Variants in PRKN observed in about 807,000 individuals in gnomAD.
PRKN encodes the protein E3 ubiquitin-protein ligase parkin.
In PRKN, 56 loss-of-function variants were observed where a neutral mutation model predicts 59.5. The observed-to-expected ratio is 0.94, with a 90% CI of 0.76 to 1.18. The LOEUF is 1.18. PRKN is among the 50% of genes most tolerant of loss of function. PRKN has a pLI of 0.00. For missense variants in PRKN, 657 were observed against 596.4 expected (o/e 1.10, Z -1.06); for synonymous variants, 250 against 222.1 (o/e 1.13, Z -1.12).
chr6:162,355,419 A>G (rs1423660513), intron 2 of PRKN, among the ~76,000 whole-genome samples: 1 of 142,660 alleles, frequency 7.0e-6, no homozygotes, highest in Non-Finnish European at 1.5e-5. Context: ...ATATATATAT[A>G]ACAATTTAGT....
At chr6:162,610,766 G>A (rs1349005155) in intron 1 of PRKN, among the ~76,000 whole-genome samples, 4 of 151,996 alleles carry the variant, frequency 2.6e-5, no homozygotes, top group Middle Eastern at 3.4e-3. Flanking sequence ...AAGAACAAGG[G>A]GCTATATTCA....
intron 1 of PRKN, among the ~76,000 whole-genome samples, chr6:162,565,918 TG>T (rs1193327941): frequency 6.6e-6 from 1 of 151,982 alleles, no homozygotes; most frequent in Non-Finnish European, 1.5e-5. Context: ...AAACAAAAAA[TG>T]GCAGGAGTTG....
intron 4 of PRKN, among the ~76,000 whole-genome samples, chr6:162,119,985 AG>A (rs1389392147): frequency 6.6e-6 from 1 of 152,160 alleles, no homozygotes; most frequent in African/African-American, 2.4e-5. Context: ...TTAGTTCTTC[AG>A]GCCAAAATAG....
At chr6:161,731,352 T>C (rs1787703978) in intron 7 of PRKN, among the ~76,000 whole-genome samples, 1 of 152,256 alleles carries the variant, frequency 6.6e-6, no homozygotes, top group Admixed American at 6.5e-5. Context: ...GGTTGATATC[T>C]TTCCTGCTAC....
At chr6:162,025,435 C>A (rs1292531746) in intron 5 of PRKN, among the ~76,000 whole-genome samples, 1 of 152,014 alleles carries the variant, frequency 6.6e-6, no homozygotes, top group Non-Finnish European at 1.5e-5. Flanking sequence ...CTTTTCTAAT[C>A]CGTGTCATGT....
intron 3 of PRKN, among the ~76,000 whole-genome samples, chr6:162,239,247 G>C (rs983798451): frequency 6.6e-6 from 1 of 152,038 alleles, no homozygotes; most frequent in Non-Finnish European, 1.5e-5. Flanking sequence ...CAGGAACACA[G>C]CTTGCAGGTT....
intron 1 of PRKN, among the ~76,000 whole-genome samples, chr6:162,548,265 G>A (rs1236636812): frequency 4.0e-5 from 6 of 151,446 alleles, no homozygotes; most frequent in Non-Finnish European, 8.8e-5. Flanking sequence ...CACCATGTTG[G>A]CCAGGATGAT....
intron 6 of PRKN, among the ~76,000 whole-genome samples, chr6:161,882,887 C>A (rs1794991004): frequency 6.6e-6 from 1 of 151,770 alleles, no homozygotes; most frequent in African/African-American, 2.4e-5. Context: ...TGCTTGTAAT[C>A]CTAGCTACTC....
intron 5 of PRKN, among the ~76,000 whole-genome samples, chr6:162,009,651 C>A (rs73606878): frequency 0.021 from 3,145 of 151,706 alleles, 158 homozygotes; most frequent in African/African-American, 0.073. Context: ...AAAGTCCTCT[C>A]GCGGCTGGGC....
At chr6:162,187,491 T>A (rs547958009) in intron 4 of PRKN, among the ~76,000 whole-genome samples, 2 of 152,146 alleles carry the variant, frequency 1.3e-5, no homozygotes, top group South Asian at 4.1e-4. Context: ...GGGAGCAAGT[T>A]CAAGGTGGGG....
intron 7 of PRKN, among the ~76,000 whole-genome samples, chr6:161,782,931 A>G (rs1790269614): frequency 1.3e-5 from 2 of 152,174 alleles, no homozygotes; most frequent in Admixed American, 6.5e-5. Flanking sequence ...TTTAAAAAAA[A>G]GCAATGAGAA....
rs144087284 is a variant in PRKN at position 161,435,524 on chromosome 6, AAT to A, written c.1084-48649_1084-48648del. Reference sequence around the variant, plus strand: ...AAATATTGGCGCATTAAAAAAATAAAATGTGTTCATTTTAAATATAATAATGT... The same window carrying A: ...AAATATTGGCGCATTAAAAAAATAAAGTGTTCATTTTAAATATAATAATGT... On this transcript the variant is annotated intron_variant, in intron 9 of 11. Coordinates refer to ENST00000366898, the MANE Select transcript of PRKN (RefSeq NM_004562.3). Among the ~76,000 whole-genome samples, 1,205 of 152,100 alleles carry A rather than the reference AAT, an allele frequency of 7.9e-3. 13 individuals carry two copies. The highest frequency in any genetic ancestry group is 0.06 in the East Asian group (309 of 5,122).
Position 161,378,948 on chromosome 6 carries a change from G to T in PRKN, c.1167+7846C>A, listed in dbSNP as rs145839812. 6.6e-6 allele frequency among the ~76,000 whole-genome samples: 1 copy of T among 152,138 alleles called. No individual in the cohort carries two copies. Among genetic ancestry groups the T allele is most frequent in the African/African-American group, 2.4e-5 (1 of 41,420 alleles). Reference sequence around the variant, plus strand: ...GCAACCTGGCCTTGCATATATAGGGGCCCTGGCTTCCAGCAAGAGAGTACT... The same window carrying T: ...GCAACCTGGCCTTGCATATATAGGGTCCCTGGCTTCCAGCAAGAGAGTACT... On this transcript the variant is annotated intron_variant, in intron 10 of 11. Coordinates refer to ENST00000366898, the MANE Select transcript of PRKN (RefSeq NM_004562.3). This position sits in a 1 kb window ranked among gnomAD's most constrained non-coding sequence, Gnocchi z 7.3.
chr6:162,404,329 G>T (rs942580743), intron 2 of PRKN, among the ~76,000 whole-genome samples: 3 of 148,520 alleles, frequency 2.0e-5, no homozygotes, highest in African/African-American at 7.5e-5. Flanking sequence ...GAGATCGCAC[G>T]ATTGCACTCC....
intron 2 of PRKN, among the ~76,000 whole-genome samples, chr6:162,293,736 G>A (rs1008269841): frequency 2.6e-5 from 4 of 152,214 alleles, no homozygotes; most frequent in African/African-American, 9.6e-5. Context: ...CAGGGCTGTG[G>A]GAAAGACTGG....
At chr6:162,392,108 A>G (rs1787231345) in intron 2 of PRKN, among the ~76,000 whole-genome samples, 1 of 151,964 alleles carries the variant, frequency 6.6e-6, no homozygotes, top group Non-Finnish European at 1.5e-5. Context: ...TTCATTGCTA[A>G]TCCAGTAGAA....
chr6:161,861,288 A>G, intron 6 of PRKN, among the ~76,000 whole-genome samples: 1 of 152,198 alleles, frequency 6.6e-6, no homozygotes, highest in East Asian at 1.9e-4. Context: ...CATGGATGAA[A>G]CTGGAAAGCC....
chr6:161,542,336 C>T (rs902521373), intron 9 of PRKN, among the ~76,000 whole-genome samples: 1 of 152,202 alleles, frequency 6.6e-6, no homozygotes, highest in African/African-American at 2.4e-5. Flanking sequence ...GTTGGCACCC[C>T]TCAACTCCCC....
intron 1 of PRKN, among the ~76,000 whole-genome samples, chr6:162,616,656 T>C (rs936465165): frequency 6.6e-6 from 1 of 152,222 alleles, no homozygotes; most frequent in African/African-American, 2.4e-5. Context: ...TCTTGCTATC[T>C]TCTATCAATC....
Sources: allele counts gnomAD v4.1 joint callset (sites outside exome capture counted in the v4.1 genomes callset), GRCh38; gene constraint gnomAD v4.1.1; non-coding constraint Gnocchi (gnomAD v3.1); transcripts MANE v1.5; gene names NCBI Gene and HGNC (gene_info 2026-07-23, HGNC 2026-07-21).